EBF1: variants seen among roughly 807,000 people sequenced by gnomAD.
EBF1 encodes the protein transcription factor COE1.
EBF1 carries 10 observed loss-of-function variants against 68.4 expected under a neutral mutation model. The ratio of observed to expected loss-of-function variants is 0.15; its 90% CI spans 0.09 to 0.25. The LOEUF is 0.25. EBF1 is among the 10% of genes least tolerant of loss of function. EBF1 has a pLI of 1.00. For missense variants in EBF1, 509 were observed against 794.4 expected (o/e 0.64, Z 4.32); for synonymous variants, 298 against 299.8 (o/e 0.99, Z 0.06).
chr5:158,960,750 A>G (rs954265791), intron 6 of EBF1, among the ~76,000 whole-genome samples: 1 of 152,208 alleles, frequency 6.6e-6, no homozygotes, highest in Non-Finnish European at 1.5e-5. Context: ...AAGGCCTGTC[A>G]GTTTCCTGTT....
At chr5:159,096,687 G>T (rs139288876) in intron 2 of EBF1, 179 of 604,802 alleles carry the variant, frequency 3.0e-4, no homozygotes, top group Non-Finnish European at 4.3e-4. Flanking sequence ...CAGGCGGTGC[G>T]TAATCTGGTA....
At chr5:158,936,846 T>C (rs73816841) in intron 6 of EBF1, among the ~76,000 whole-genome samples, 251 of 152,114 alleles carry the variant, frequency 1.7e-3, no homozygotes, top group African/African-American at 5.0e-3. Flanking sequence ...GCTGGATGGG[T>C]AAATGAATAA....
At chr5:159,021,725 C>T (rs749344567) in intron 6 of EBF1, among the ~76,000 whole-genome samples, 5 of 152,198 alleles carry the variant, frequency 3.3e-5, no homozygotes, top group South Asian at 2.1e-4. Context: ...CACGTCTAAA[C>T]GATCGTGAAC....
rs1306736937 is a variant in EBF1 at position 159,073,452 on chromosome 5, G to A, written c.498C>T (p.Asp166=). 3.7e-6 allele frequency: 6 copies of A among 1,613,964 alleles called. No individual in the cohort carries two copies. Among genetic ancestry groups the A allele is most frequent in the Non-Finnish European group, 5.1e-6 (6 of 1,179,962 alleles). Reference sequence around the variant, plus strand: ...CATTTCGGTTGCCACAGCTTTTCTTGTCACAACAGCGGCTATGGAGCAAAA... The same window carrying A: ...CATTTCGGTTGCCACAGCTTTTCTTATCACAACAGCGGCTATGGAGCAAAA... ...THEIMCSRCC[D]KKSCGNRNET... Residue 166 remains aspartate, a synonymous_variant, in exon 6 of 16, where the codon GAC becomes GAT. Transcript: ENST00000313708.
chr5:158,709,772 C>T (rs1758755255), intron 14 of EBF1, among the ~76,000 whole-genome samples: 1 of 152,166 alleles, frequency 6.6e-6, no homozygotes, highest in Non-Finnish European at 1.5e-5. Context: ...GGATTTGTAA[C>T]TGTGAAAATA....
chr5:159,063,778 C>T (rs1355184388), intron 6 of EBF1, among the ~76,000 whole-genome samples: 1 of 152,164 alleles, frequency 6.6e-6, no homozygotes, highest in Non-Finnish European at 1.5e-5. Flanking sequence ...TGAAAATCCA[C>T]ATGGAATATA....
At chr5:158,809,501 G>C (rs150589999) in intron 8 of EBF1, among the ~76,000 whole-genome samples, 103 of 152,224 alleles carry the variant, frequency 6.8e-4, no homozygotes, top group Non-Finnish European at 1.1e-3. Context: ...CCAAGATAGA[G>C]GGTGGATATT....
intron 6 of EBF1, among the ~76,000 whole-genome samples, chr5:159,048,352 C>T (rs1282826478): frequency 1.3e-5 from 2 of 152,248 alleles, no homozygotes; most frequent in African/African-American, 4.8e-5. Context: ...TGTCCCACCT[C>T]TGACTTCAGC....
chr5:158,875,269 C>T (rs138664963), intron 6 of EBF1, among the ~76,000 whole-genome samples: 18 of 152,192 alleles, frequency 1.2e-4, no homozygotes, highest in African/African-American at 4.1e-4. Context: ...AGCTTGAAAC[C>T]GAGGAAGAAG....
chr5:158,794,350 T>C (rs769357026), intron 9 of EBF1, among the ~76,000 whole-genome samples: 1 of 152,160 alleles, frequency 6.6e-6, no homozygotes, highest in Non-Finnish European at 1.5e-5. Flanking sequence ...TAGAAACAGA[T>C]CCTTTAAAGC....
intron 8 of EBF1, among the ~76,000 whole-genome samples, chr5:158,810,568 T>G (rs1241710149): frequency 1.3e-5 from 2 of 152,154 alleles, no homozygotes; most frequent in Non-Finnish European, 2.9e-5. Context: ...CTGGGTCCCC[T>G]GCTGCATTTC....
intron 10 of EBF1, among the ~76,000 whole-genome samples, chr5:158,733,508 TA>T (rs1304725954): frequency 6.6e-6 from 1 of 152,110 alleles, no homozygotes; most frequent in Non-Finnish European, 1.5e-5. Context: ...TATCAGCAAT[TA>T]AAAGAACCAA....
At chr5:158,932,462 C>T (rs979497312) in intron 6 of EBF1, among the ~76,000 whole-genome samples, 1 of 151,916 alleles carries the variant, frequency 6.6e-6, no homozygotes, top group African/African-American at 2.4e-5. Context: ...GAGTAGAAAA[C>T]AGATACCTAA....
intron 7 of EBF1, among the ~76,000 whole-genome samples, chr5:158,827,939 T>A (rs1237435773): frequency 6.6e-6 from 1 of 152,212 alleles, no homozygotes; most frequent in African/African-American, 2.4e-5. Flanking sequence ...AAACTCTTCC[T>A]CACGTTAATT....
intron 14 of EBF1, among the ~76,000 whole-genome samples, chr5:158,710,775 G>A (rs1325188917): frequency 6.6e-6 from 1 of 152,184 alleles, no homozygotes; most frequent in Non-Finnish European, 1.5e-5. Context: ...CTATGAGACA[G>A]GGCATCATTT....
chr5:158,985,404 G>T (rs984753394), intron 6 of EBF1, among the ~76,000 whole-genome samples: 1 of 152,178 alleles, frequency 6.6e-6, no homozygotes, highest in African/African-American at 2.4e-5. Context: ...GCCAGTGTTG[G>T]TCTCTACCCC....
At chr5:158,936,750 C>A (rs759342840) in intron 6 of EBF1, among the ~76,000 whole-genome samples, 2 of 152,174 alleles carry the variant, frequency 1.3e-5, no homozygotes, top group Admixed American at 6.5e-5. Flanking sequence ...AAGAATTTTG[C>A]CCTGTAACCT....
chr5:158,913,498 T>C (rs542625850), intron 6 of EBF1, among the ~76,000 whole-genome samples: 1 of 152,276 alleles, frequency 6.6e-6, no homozygotes, highest in African/African-American at 2.4e-5. Context: ...TCCTAGTGAT[T>C]CCAGCAGAAA....
rs534374216 is a variant in EBF1, at chr5:158,840,645, G to GTTTTTTTTTTTTTTTTTTTTTTTT, written c.555-559_555-536dup. ...TCCTTTGACTTCTCAAATACCTCCT[G>GTTTTTTTTTTTTTTTTTTTTTTTT]TTTTTTTTTTTTTTTTTTTTTTTTT... On this transcript the variant is annotated intron_variant, in intron 6 of 15. Transcript: ENST00000313708. 3.1e-4 allele frequency among the ~76,000 whole-genome samples: 20 copies of GTTTTTTTTTTTTTTTTTTTTTTTT among 64,780 alleles called. 3 individuals are homozygous for GTTTTTTTTTTTTTTTTTTTTTTTT. Among genetic ancestry groups the GTTTTTTTTTTTTTTTTTTTTTTTT allele is most frequent in the Non-Finnish European group, 3.9e-4 (14 of 35,730 alleles). 42.5% of individuals were successfully genotyped at this position (64,780 alleles called of 152,430 possible).
Sources: allele counts gnomAD v4.1 joint callset (sites outside exome capture counted in the v4.1 genomes callset), GRCh38; gene constraint gnomAD v4.1.1; transcripts MANE v1.5; gene names NCBI Gene and HGNC (gene_info 2026-07-23, HGNC 2026-07-21).